LHFPL3: variants seen among roughly 807,000 people sequenced by gnomAD.
LHFPL3 encodes the protein LHFPL tetraspan subfamily member 3, also known as LHFPL tetraspan subfamily member 3 protein.
In LHFPL3, 5 loss-of-function variants were observed where a neutral mutation model predicts 19.3. That is an observed-to-expected ratio of 0.26 (90% CI 0.14 to 0.54). The LOEUF (loss-of-function observed/expected upper bound fraction) is 0.54. LHFPL3 is among the 20% of genes least tolerant of loss of function. The probability of loss-of-function intolerance (pLI) is 0.94; values close to 1 mark genes in which losing one functional copy is unlikely to be tolerated. For missense variants in LHFPL3, 249 were observed against 307.4 expected, an observed-to-expected ratio of 0.81 and a Z score of 1.42; for synonymous variants, 133 against 126.2, an observed-to-expected ratio of 1.05 and a Z score of -0.36.
chr7:104,552,209 A>C (rs2115912002), intron 1 of LHFPL3, among the ~76,000 whole-genome samples: 1 of 152,332 alleles, frequency 6.6e-6, no homozygotes, highest in Non-Finnish European at 1.5e-5. Flanking sequence ...GCAGCAACCA[A>C]GTGAGCAAGG....
At chr7:104,472,845 ACT>A (rs572679010) in intron 1 of LHFPL3, among the ~76,000 whole-genome samples, 5 of 151,998 alleles carry the variant, frequency 3.3e-5, no homozygotes, top group Non-Finnish European at 5.9e-5. Context: ...TGTTTTTATG[ACT>A]CTGTCTTGTT....
chr7:104,454,335 C>T (rs923658320), intron 1 of LHFPL3, among the ~76,000 whole-genome samples: 11 of 152,172 alleles, frequency 7.2e-5, no homozygotes, highest in African/African-American at 2.7e-4. Context: ...TCCACAAGGT[C>T]AAGTTGTAAA....
chr7:104,788,444 G>C (rs1379874694), intron 2 of LHFPL3, among the ~76,000 whole-genome samples: 3 of 152,282 alleles, frequency 2.0e-5, no homozygotes, highest in Non-Finnish European at 4.4e-5. Context: ...ATCTATTGTA[G>C]AGCTTCTTCC....
chr7:104,439,961 C>T (rs766806255), intron 1 of LHFPL3, among the ~76,000 whole-genome samples: 2 of 148,946 alleles, frequency 1.3e-5, no homozygotes, highest in Non-Finnish European at 3.0e-5. Context: ...ACAACCACCA[C>T]CACCACCACA....
chr7:104,366,604 T>C (rs188099889), intron 1 of LHFPL3, among the ~76,000 whole-genome samples: 70 of 152,328 alleles, frequency 4.6e-4, no homozygotes, highest in African/African-American at 1.6e-3. Flanking sequence ...CCTTTCTCTA[T>C]GACTGACTTC....
At chr7:104,451,662 G>A (rs1183542910) in intron 1 of LHFPL3, among the ~76,000 whole-genome samples, 1 of 151,992 alleles carries the variant, frequency 6.6e-6, no homozygotes, top group Non-Finnish European at 1.5e-5. Context: ...TGATTTTAGA[G>A]CATACATTCT....
chr7:104,430,781 A>G (rs1791988560), intron 1 of LHFPL3, among the ~76,000 whole-genome samples: 1 of 151,646 alleles, frequency 6.6e-6, no homozygotes, highest in Non-Finnish European at 1.5e-5. Context: ...CTGTGGGCTG[A>G]TTTTTAAGCA....
chr7:104,735,704 G>A (rs936466822), intron 1 of LHFPL3, among the ~76,000 whole-genome samples: 3 of 152,208 alleles, frequency 2.0e-5, no homozygotes, highest in East Asian at 1.9e-4. Context: ...GCTTACGCTC[G>A]GTGCACTGCA....
chr7:104,635,460 A>C (rs1791713554), intron 1 of LHFPL3, among the ~76,000 whole-genome samples: 1 of 152,182 alleles, frequency 6.6e-6, no homozygotes, highest in South Asian at 2.1e-4. Context: ...GTAAAGAAAA[A>C]ATTTTTTTAA....
At chr7:104,441,208 C>G (rs1359769636) in intron 1 of LHFPL3, among the ~76,000 whole-genome samples, 1 of 152,186 alleles carries the variant, frequency 6.6e-6, no homozygotes, top group Admixed American at 6.5e-5. Context: ...TCTGTCCCCA[C>G]AACCCCTGGC....
chr7:104,734,087 A>T (rs1005963805), intron 1 of LHFPL3, among the ~76,000 whole-genome samples: 1 of 152,170 alleles, frequency 6.6e-6, no homozygotes, highest in East Asian at 1.9e-4. Context: ...CTGCTGAGAG[A>T]TCAGCTGTTA....
chr7:104,536,174 G>A (rs765157640), intron 1 of LHFPL3, among the ~76,000 whole-genome samples: 1 of 152,192 alleles, frequency 6.6e-6, no homozygotes, highest in African/African-American at 2.4e-5. Flanking sequence ...GTTGAAGAAG[G>A]CATGGAAGTA....
intron 2 of LHFPL3, among the ~76,000 whole-genome samples, chr7:104,749,367 G>A (rs914196598): frequency 6.6e-6 from 1 of 152,258 alleles, no homozygotes; most frequent in Non-Finnish European, 1.5e-5. Context: ...TCTCTAACTG[G>A]TTGAAGAGCT....
At chr7:104,683,901 G>A (rs1467350762) in intron 1 of LHFPL3, among the ~76,000 whole-genome samples, 2 of 152,170 alleles carry the variant, frequency 1.3e-5, no homozygotes, top group East Asian at 3.9e-4. Context: ...AGTTGGTTTG[G>A]GTATATGTTG....
chr7:104,560,667 G>A (rs78480449), intron 1 of LHFPL3, among the ~76,000 whole-genome samples: 1,637 of 150,666 alleles, frequency 0.011, 12 homozygotes, highest in Non-Finnish European at 0.017. Flanking sequence ...AGAGTTTTTT[G>A]TGTCTCTATT....
At chr7:104,462,141 A>T (rs1021179887) in intron 1 of LHFPL3, among the ~76,000 whole-genome samples, 1 of 152,202 alleles carries the variant, frequency 6.6e-6, no homozygotes, top group Admixed American at 6.5e-5. Flanking sequence ...AGAGCTTTTA[A>T]GCCAAGACTA....
At chr7:104,491,791 A>C (rs757904041) in intron 1 of LHFPL3, among the ~76,000 whole-genome samples, 26 of 152,244 alleles carry the variant, frequency 1.7e-4, no homozygotes, top group Non-Finnish European at 3.1e-4. Flanking sequence ...TATATCATCC[A>C]AATTAAATGT....
chr7:104,899,052 G>A (rs1357100304), intron 2 of LHFPL3, among the ~76,000 whole-genome samples: 3 of 152,074 alleles, frequency 2.0e-5, no homozygotes, highest in Non-Finnish European at 4.4e-5. Flanking sequence ...GCAGCGAGCT[G>A]TGATTTTGCC....
At chr7:104,398,000 T>C (rs1022483970) in intron 1 of LHFPL3, among the ~76,000 whole-genome samples, 1 of 152,198 alleles carries the variant, frequency 6.6e-6, no homozygotes, top group Admixed American at 6.5e-5. Flanking sequence ...TTATCTCTTT[T>C]AGGATGATAA....
Sources: allele counts gnomAD v4.1 joint callset (sites outside exome capture counted in the v4.1 genomes callset), GRCh38; gene constraint gnomAD v4.1.1; transcripts MANE v1.5; gene names NCBI Gene and HGNC (gene_info 2026-07-23, HGNC 2026-07-21).